Variants in TXNRD2 observed in about 807,000 individuals in gnomAD.
The protein encoded by TXNRD2 is thioredoxin reductase 2, mitochondrial.
In TXNRD2, 67 loss-of-function variants were observed where a neutral mutation model predicts 70.8. The observed-to-expected ratio is 0.95, with a 90% CI of 0.78 to 1.16. TXNRD2 has a LOEUF of 1.16. Ranked by LOEUF, TXNRD2 falls within the 50% of genes most tolerant of loss-of-function variation. The pLI is 0.00. For synonymous variants in TXNRD2, 301 were observed against 295.8 expected (o/e 1.02, Z -0.18); for missense variants, 644 against 719.9 (o/e 0.89, Z 1.21).
chr22:19,908,778 T>C (rs1056029166), intron 8 of TXNRD2, among the ~76,000 whole-genome samples: 1 of 152,162 alleles, frequency 6.6e-6, no homozygotes, highest in African/African-American at 2.4e-5. Context: ...GCCTGTACAA[T>C]GGAATATTAC....
At chr22:19,878,303 C>A (rs967915161) in intron 15 of TXNRD2, 63 bp downstream of exon 15, 28 of 1,604,206 alleles carry the variant, frequency 1.7e-5, no homozygotes, top group Non-Finnish European at 2.3e-5. Context: ...GGGTGTTCAC[C>A]CTGCCAGGCT....
In TXNRD2 at chr22:19,923,980, A is replaced by T. The variant is rs1013922777; in HGVS notation, c.173-4381T>A. On this transcript the variant is annotated intron_variant, in intron 2 of 17. Transcript: ENST00000400521. Reference sequence around the variant, plus strand: ...TCAGGTAGACTTGATTTTTTTTTTAATTTAAAAAAAGGCTTTTTTTTCTTT... The same window carrying T: ...TCAGGTAGACTTGATTTTTTTTTTATTTTAAAAAAAGGCTTTTTTTTCTTT... 2.7e-5 allele frequency among the ~76,000 whole-genome samples: 4 copies of T among 148,972 alleles called. No individual in the cohort carries two copies. In the East Asian group the frequency reaches 7.9e-4, roughly 29 times the overall value.
At chr22:19,922,733 C>T (rs1940963235) in intron 2 of TXNRD2, among the ~76,000 whole-genome samples, 1 of 152,154 alleles carries the variant, frequency 6.6e-6, no homozygotes. Flanking sequence ...GTCACCCAGG[C>T]TGGAGTGCAG....
intron 1 of TXNRD2, among the ~76,000 whole-genome samples, chr22:19,941,125 G>A (rs924284236): frequency 6.6e-6 from 1 of 152,188 alleles, no homozygotes; most frequent in South Asian, 2.1e-4. Context: ...ACACATAACA[G>A]ATATGGTGGC....
intron 8 of TXNRD2, among the ~76,000 whole-genome samples, chr22:19,902,409 C>T (rs1939817919): frequency 6.6e-6 from 1 of 152,222 alleles, no homozygotes; most frequent in Non-Finnish European, 1.5e-5. Flanking sequence ...AAGAGCAATC[C>T]ATCTGCCTCT....
chr22:19,878,438 C>T lies in TXNRD2; in HGVS notation c.1276-1G>A, dbSNP rs2145927925. On this transcript the variant is annotated splice_acceptor_variant, in intron 14 of 17. Coordinates refer to ENST00000400521, the MANE Select transcript of TXNRD2 (RefSeq NM_006440.5). LOFTEE classifies it high-confidence loss of function. Reference sequence around the variant, plus strand: ...GTGGTTTATAATGGGCGTGATAGACCTGAGGACAGGATACCAACCCTGGAT... The same window carrying T: ...GTGGTTTATAATGGGCGTGATAGACTTGAGGACAGGATACCAACCCTGGAT... 4 of 1,613,536 alleles carry T rather than the reference C, an allele frequency of 2.5e-6. No homozygotes were observed. Among genetic ancestry groups the T allele is most frequent in the Non-Finnish European group, 3.4e-6 (4 of 1,179,996 alleles).
At chr22:19,929,326 CAAA>C (rs34528546) in intron 2 of TXNRD2, among the ~76,000 whole-genome samples, 3 of 84,410 alleles carry the variant, frequency 3.6e-5, no homozygotes, top group Admixed American at 1.3e-4. Flanking sequence ...GACTCCATCT[CAAA>C]AAAAAAAAAA....
intron 8 of TXNRD2, among the ~76,000 whole-genome samples, chr22:19,901,638 A>C (rs1939782405): frequency 6.6e-6 from 1 of 152,222 alleles, no homozygotes; most frequent in African/African-American, 2.4e-5. Context: ...GACCAGCTAA[A>C]GTAAAAAAAT....
At chr22:19,912,937 A>C (rs1940479306) in intron 7 of TXNRD2, among the ~76,000 whole-genome samples, 1 of 152,184 alleles carries the variant, frequency 6.6e-6, no homozygotes, top group African/African-American at 2.4e-5. Flanking sequence ...CCTGGGTCTA[A>C]GTCAGAGGTG....
intron 1 of TXNRD2, among the ~76,000 whole-genome samples, chr22:19,936,178 G>A (rs1941532332): frequency 1.3e-5 from 2 of 151,990 alleles, no homozygotes; most frequent in African/African-American, 4.8e-5. Flanking sequence ...TTGGGCCTTG[G>A]TACGTGCCAT....
At chr22:19,935,682 C>G (rs1235716521) in intron 1 of TXNRD2, among the ~76,000 whole-genome samples, 1 of 152,202 alleles carries the variant, frequency 6.6e-6, no homozygotes, top group Non-Finnish European at 1.5e-5. Flanking sequence ...TAAAATTCCT[C>G]TTTGTACTCT....
intron 11 of TXNRD2, chr22:19,894,561 G>A (rs1939407048): frequency 1.3e-5 from 2 of 154,870 alleles, no homozygotes; most frequent in African/African-American, 4.8e-5. Flanking sequence ...CCTGGGAGGT[G>A]GAGGCTGCAG....
At chr22:19,897,869 G>A (rs941765107) in intron 10 of TXNRD2, among the ~76,000 whole-genome samples, 170 bp downstream of exon 10, 10 of 152,174 alleles carry the variant, frequency 6.6e-5, no homozygotes, top group South Asian at 2.1e-4. Context: ...CCCTCGCTCC[G>A]GCCGAGTGTC....
chr22:19,912,818 G>A (rs956801279), intron 7 of TXNRD2, among the ~76,000 whole-genome samples: 2 of 152,200 alleles, frequency 1.3e-5, no homozygotes, highest in Non-Finnish European at 2.9e-5. Context: ...TGTGCTCCTC[G>A]GGGCCGCTCC....
chr22:19,887,867 G>A (rs746960537), intron 11 of TXNRD2: 4 of 152,446 alleles, frequency 2.6e-5, no homozygotes, highest in Non-Finnish European at 5.9e-5. Flanking sequence ...AAGCCCCAAG[G>A]AACGTCCCTT....
At chr22:19,930,395 C>T (rs1174849853) in intron 2 of TXNRD2, among the ~76,000 whole-genome samples, 1 of 152,146 alleles carries the variant, frequency 6.6e-6, no homozygotes, top group African/African-American at 2.4e-5. Flanking sequence ...TACAGCAGGG[C>T]ACAGAGTCTG....
At chr22:19,904,351 A>G (rs1358034341) in intron 8 of TXNRD2, among the ~76,000 whole-genome samples, 1 of 152,224 alleles carries the variant, frequency 6.6e-6, no homozygotes, top group Non-Finnish European at 1.5e-5. Context: ...AGTGAAGTGC[A>G]CTGTTTAATT....
intron 5 of TXNRD2, among the ~76,000 whole-genome samples, chr22:19,917,012 A>G (rs931819150): frequency 4.6e-5 from 7 of 152,170 alleles, no homozygotes; most frequent in African/African-American, 9.7e-5. Flanking sequence ...CTGTGCCTCT[A>G]TGGGCTGTCT....
Position 19,898,510 on chromosome 22 carries a change from C to CTTT in TXNRD2, c.683-383_683-381dup, listed in dbSNP as rs386394954. On this transcript the variant is annotated intron_variant, in intron 9 of 17. Coordinates refer to ENST00000400521, the MANE Select transcript of TXNRD2 (RefSeq NM_006440.5). ...TGTGCTCTCAGCCAGCGGCTTGGGG[C>CTTT]TTTTTTTTTTTTTTTTTTTTTTGAG... 8.4e-3 allele frequency among the ~76,000 whole-genome samples: 791 copies of CTTT among 94,332 alleles called. 3 individuals carry two copies. The highest frequency in any genetic ancestry group is 0.013 in the East Asian group (41 of 3,140). The allele number at this position is 94,332 out of a possible 152,430, so 61.9% of individuals were successfully genotyped here.
Sources: allele counts gnomAD v4.1 joint callset (sites outside exome capture counted in the v4.1 genomes callset), GRCh38; gene constraint gnomAD v4.1.1; transcripts MANE v1.5; gene names NCBI Gene and HGNC (gene_info 2026-07-23, HGNC 2026-07-21).